Variants in GUCY2C observed in about 807,000 individuals in gnomAD.
The protein encoded by GUCY2C is guanylyl cyclase C.
Under a neutral mutation model 131.1 loss-of-function variants are expected in GUCY2C, and 118 were observed. That is an observed-to-expected ratio of 0.90 (90% confidence interval 0.78 to 1.05). The LOEUF (loss-of-function observed/expected upper bound fraction) is 1.05. Among genes scored for constraint, GUCY2C ranks in the 50% least tolerant of loss-of-function variants. GUCY2C has a pLI of 0.00. For missense variants in GUCY2C, 1,161 were observed against 1,304.4 expected, an observed-to-expected ratio of 0.89 and a Z score of 1.69; for synonymous variants, 452 against 457.8, an observed-to-expected ratio of 0.99 and a Z score of 0.16.
At chr12:14,693,684 G>A (rs1948612383) in intron 1 of GUCY2C, among the ~76,000 whole-genome samples, 1 of 152,310 alleles carries the variant, frequency 6.6e-6, no homozygotes, top group East Asian at 1.9e-4. Flanking sequence ...ACTAACAAAT[G>A]TAAAAGTCTG....
At chr12:14,672,789 T>A in intron 9 of GUCY2C, 84 bp downstream of exon 9, 1 of 761,776 alleles carries the variant, frequency 1.3e-6, no homozygotes, top group Non-Finnish European at 2.4e-6. Flanking sequence ...TTTCTCTAAT[T>A]CTTTTGCTAG....
At chr12:14,646,229 G>A (rs112971951) in intron 15 of GUCY2C, among the ~76,000 whole-genome samples, 1 of 152,126 alleles carries the variant, frequency 6.6e-6, no homozygotes, top group Non-Finnish European at 1.5e-5. Context: ...TGTTCTTCAC[G>A]GTAGAACTCT....
intron 3 of GUCY2C, among the ~76,000 whole-genome samples, chr12:14,685,510 AG>A (rs770836536): frequency 4.7e-4 from 71 of 152,334 alleles, no homozygotes; most frequent in Non-Finnish European, 7.9e-4. Context: ...GAACTTGAGC[AG>A]GATTTTGATT....
Position 14,628,721 on chromosome 12 carries a change from T to G in GUCY2C, c.2174A>C (p.Lys725Thr). 3 of 1,588,614 alleles carry G rather than the reference T, an allele frequency of 1.9e-6. No individual in the cohort carries two copies. The highest frequency in any genetic ancestry group is 2.6e-6 in the Non-Finnish European group (3 of 1,159,544). The change falls in exon 20 of 27, where the codon AAA (lysine) becomes ACA (threonine). Residue 725 changes from lysine to threonine, a missense_variant. Coordinates refer to ENST00000261170, the MANE Select transcript of GUCY2C (RefSeq NM_004963.4). Reference sequence around the variant, plus strand: ...TTCTGGATCTTCCTCCCAACAGTTTTTTACAAGTAGGTACACCTGGAAGAA... The same window carrying G: ...TTCTGGATCTTCCTCCCAACAGTTTGTTACAAGTAGGTACACCTGGAAGAA... The part of the protein sequence containing the change: ...EKELEVYLLV[K>T]NCWEEDPEKR...
chr12:14,694,439 AC>A (rs1235217816), intron 1 of GUCY2C, among the ~76,000 whole-genome samples: 1 of 152,212 alleles, frequency 6.6e-6, no homozygotes, highest in African/African-American at 2.4e-5. Context: ...TAATTGAAGT[AC>A]CTAGAACTTA....
intron 19 of GUCY2C, among the ~76,000 whole-genome samples, chr12:14,638,210 A>G (rs945930607): frequency 3.9e-5 from 6 of 152,226 alleles, no homozygotes; most frequent in Admixed American, 2.0e-4. Context: ...AAAAAGCCAA[A>G]TAATAACAGA....
intron 11 of GUCY2C, among the ~76,000 whole-genome samples, chr12:14,656,872 A>G (rs1203964398): frequency 2.6e-5 from 4 of 152,178 alleles, no homozygotes; most frequent in Non-Finnish European, 5.9e-5. Context: ...CTGGAAGACA[A>G]TGTTTCCATG....
intron 19 of GUCY2C, among the ~76,000 whole-genome samples, 158 bp from the exon 20 acceptor site, chr12:14,628,895 T>C (rs931316408): frequency 1.3e-5 from 2 of 152,206 alleles, no homozygotes; most frequent in Admixed American, 6.5e-5. Flanking sequence ...CTGGTTTCTG[T>C]CTCAGGCATG....
At chr12:14,651,318 C>T in intron 15 of GUCY2C, 89 bp downstream of exon 15, 1 of 685,640 alleles carries the variant, frequency 1.5e-6, no homozygotes, top group East Asian at 2.7e-5. Flanking sequence ...CTGATTTTCT[C>T]TAATATTATT....
At chr12:14,684,649 C>CTTCCT (rs1948435634) in intron 3 of GUCY2C, among the ~76,000 whole-genome samples, 1 of 136,516 alleles carries the variant, frequency 7.3e-6, no homozygotes, top group Non-Finnish European at 1.5e-5. Context: ...CTTTCCTTTC[C>CTTCCT]TTTCCTTTCC....
At chr12:14,671,948 G>T (rs940064546) in intron 9 of GUCY2C, among the ~76,000 whole-genome samples, 1 of 152,130 alleles carries the variant, frequency 6.6e-6, no homozygotes, top group Non-Finnish European at 1.5e-5. Context: ...GCAAATTTCT[G>T]GTTTAGCTTT....
chr12:14,683,547 CA>C (rs1179646222), intron 3 of GUCY2C, among the ~76,000 whole-genome samples: 1 of 152,160 alleles, frequency 6.6e-6, no homozygotes, highest in East Asian at 1.9e-4. Context: ...GGCTGGGATA[CA>C]GGGGAAGTCG....
At chr12:14,638,293 T>C (rs1024857970) in intron 19 of GUCY2C, among the ~76,000 whole-genome samples, 1 of 152,172 alleles carries the variant, frequency 6.6e-6, no homozygotes, top group Non-Finnish European at 1.5e-5. Flanking sequence ...ATAGCCACTA[T>C]GGAAAATAGG....
intron 19 of GUCY2C, among the ~76,000 whole-genome samples, chr12:14,634,173 G>GATT (rs2137005772): frequency 6.6e-6 from 1 of 152,316 alleles, no homozygotes; most frequent in South Asian, 2.1e-4. Flanking sequence ...ACCCCCATCA[G>GATT]ATTAACAGTG....
intron 25 of GUCY2C, among the ~76,000 whole-genome samples, chr12:14,616,263 G>A (rs561399456): frequency 1.3e-5 from 2 of 152,266 alleles, no homozygotes; most frequent in East Asian, 3.9e-4. Context: ...GGTGACCTCA[G>A]ATCATAGCAG....
Position 14,653,998 on chromosome 12 carries a change from TATTTGGACCTCA to T in GUCY2C, c.1471-996_1471-985del, listed in dbSNP as rs560402044. Reference sequence around the variant, plus strand: ...CAGACCTTGATGACATCATTTAAACTATTTGGACCTCAGTTCCTTACTGCACAATTCCAACTC... The same window carrying T: ...CAGACCTTGATGACATCATTTAAACTGTTCCTTACTGCACAATTCCAACTC... On this transcript the variant is annotated intron_variant, in intron 12 of 26. Transcript: ENST00000261170. Among the ~76,000 whole-genome samples, 269 of 152,382 alleles carry T rather than the reference TATTTGGACCTCA, an allele frequency of 1.8e-3. 1 individual carries two copies. Among genetic ancestry groups the T allele is most frequent in the African/African-American group, 6.1e-3 (254 of 41,594 alleles).
intron 12 of GUCY2C, among the ~76,000 whole-genome samples, chr12:14,655,389 A>G (rs1347968492): frequency 6.6e-6 from 1 of 152,200 alleles, no homozygotes; most frequent in African/African-American, 2.4e-5. Flanking sequence ...GTTGAGGTTC[A>G]GAATGCACCA....
intron 1 of GUCY2C, among the ~76,000 whole-genome samples, chr12:14,695,865 C>T (rs187923905): frequency 6.6e-6 from 1 of 151,868 alleles, no homozygotes; most frequent in African/African-American, 2.4e-5. Context: ...GCTATGTTGC[C>T]CAGGCTGGTC....
Position 14,638,694 on chromosome 12 carries a change from G to A in GUCY2C, c.2157+1168C>T, listed in dbSNP as rs367641718. ...GGTGGAGAGAATAATGATAGCCAGAGACTGGGAAGGGTGTAGGTAGGGCAG... is the reference window on the plus strand; with the variant it reads ...GGTGGAGAGAATAATGATAGCCAGAAACTGGGAAGGGTGTAGGTAGGGCAG... On this transcript the variant is annotated intron_variant, in intron 19 of 26. Transcript: ENST00000261170. 5.3e-5 allele frequency among the ~76,000 whole-genome samples: 8 copies of A among 152,194 alleles called. No homozygotes were observed. In the East Asian group the frequency reaches 1.2e-3, roughly 22 times the overall value.
Sources: gnomAD v4.1 joint callset for allele counts (sites outside exome capture counted in the v4.1 genomes callset) on GRCh38, gnomAD v4.1.1 for gene constraint, MANE v1.5 for transcripts, NCBI Gene and HGNC (gene_info 2026-07-23, HGNC 2026-07-21) for gene names.